UTY: variants seen among roughly 807,000 people sequenced by gnomAD.
The protein encoded by UTY is ubiquitously transcribed tetratricopeptide repeat containing, Y-linked, also known as histone demethylase UTY.
UTY carries 12 observed loss-of-function variants against 32.5 expected under a neutral mutation model. The observed-to-expected ratio is 0.37, with a 90% CI of 0.24 to 0.60. The LOEUF (loss-of-function observed/expected upper bound fraction) is 0.60. Ranked by LOEUF, UTY falls within the 20% of genes least tolerant of loss-of-function variation. UTY has a pLI of 0.69. For missense variants in UTY, 303 were observed against 299.2 expected, an observed-to-expected ratio of 1.01 and a Z score of -0.09; for synonymous variants, 131 against 103.4, an observed-to-expected ratio of 1.27 and a Z score of -1.62.
intron 21 of UTY, among the ~76,000 whole-genome samples, chrY:13,310,753 TA>T (rs2148826354): frequency 3.0e-5 from 1 of 33,571 alleles, no homozygotes; most frequent in Admixed American, 2.7e-4. Flanking sequence ...AGATTCAATG[TA>T]ACCTCTATCA....
intron 18 of UTY, among the ~76,000 whole-genome samples, chrY:13,329,248 A>G: frequency 8.9e-5 from 3 of 33,659 alleles, no homozygotes; most frequent in Admixed American, 5.4e-4. Flanking sequence ...AAGTTTAAAA[A>G]CTTTTTAATA....
intron 28 of UTY, among the ~76,000 whole-genome samples, chrY:13,241,524 GAA>G (rs2053901639): frequency 3.0e-5 from 1 of 32,913 alleles, no homozygotes; most frequent in African/African-American, 1.2e-4. Flanking sequence ...AAAACTAACA[GAA>G]AAAGAGACTA....
intron 4 of UTY, among the ~76,000 whole-genome samples, chrY:13,435,289 C>T: frequency 3.0e-5 from 1 of 33,056 alleles, no homozygotes; most frequent in South Asian, 6.9e-4. Flanking sequence ...ATTTAAGCAG[C>T]CCCTCCCAGC....
intron 21 of UTY, among the ~76,000 whole-genome samples, chrY:13,321,237 G>C (rs2059810072): frequency 3.0e-5 from 1 of 33,186 alleles, no homozygotes; most frequent in African/African-American, 1.2e-4. Flanking sequence ...TGGGAAATTG[G>C]AGAAAGAAAA....
At chrY:13,471,303 C>T in intron 2 of UTY, among the ~76,000 whole-genome samples, 1 of 33,579 alleles carries the variant, frequency 3.0e-5, no homozygotes, top group Non-Finnish European at 7.4e-5. Context: ...TTCACAATCC[C>T]ACTTACATAA....
chrY:13,399,725 A>C (rs2068709438), intron 6 of UTY, among the ~76,000 whole-genome samples: 1 of 33,360 alleles, frequency 3.0e-5, no homozygotes, highest in Non-Finnish European at 7.4e-5. Flanking sequence ...TAACGCATGA[A>C]GGGGTTTAGA....
At chrY:13,267,800 C>A in intron 27 of UTY, among the ~76,000 whole-genome samples, 1 of 33,128 alleles carries the variant, frequency 3.0e-5, no homozygotes, top group African/African-American at 1.2e-4. Context: ...ATATGAAATT[C>A]TGTGGATATG....
intron 3 of UTY, among the ~76,000 whole-genome samples, chrY:13,469,024 T>A (rs1055249606): frequency 3.0e-5 from 1 of 32,979 alleles, no homozygotes; most frequent in African/African-American, 1.2e-4. Flanking sequence ...GGAAAATATA[T>A]CTACCTACTC....
chrY:13,327,696 T>A, intron 18 of UTY, among the ~76,000 whole-genome samples: 1 of 33,645 alleles, frequency 3.0e-5, no homozygotes, highest in Admixed American at 2.7e-4. Flanking sequence ...ATAGGTTTAG[T>A]TATAAATGAT....
At position 13,323,716 on chromosome Y, in the gene UTY, C is replaced by T. The variant is rs777009375; in HGVS notation, c.3115G>A (p.Glu1039Lys). Residue 1039 changes from glutamate to lysine, a missense_variant, in exon 21 of 30, where the codon GAA (glutamate) becomes AAA (lysine). Coordinates refer to ENST00000545955, the MANE Select transcript of UTY (RefSeq NM_001258249.2). Reference sequence around the variant, plus strand: ...TGTGTCCTCACTTCTACCATATGTTCATTGTTAGCTTCTACCAAAGTTTTG... The same window carrying T: ...TGTGTCCTCACTTCTACCATATGTTTATTGTTAGCTTCTACCAAAGTTTTG... The part of the protein sequence containing the change: ...STKTLVEANN[E>K]HMVEVRTQLL... The T allele has an allele frequency of 2.5e-6, 1 of 398,331 alleles. No homozygotes were observed. The highest frequency in any genetic ancestry group is 7.4e-5 in the Admixed American group (1 of 13,488).
intron 4 of UTY, among the ~76,000 whole-genome samples, chrY:13,437,148 G>A (rs995576049): frequency 3.1e-4 from 10 of 32,689 alleles, no homozygotes; most frequent in Admixed American, 1.7e-3. Context: ...TCCACAGCAG[G>A]AAGAAGCTGC....
chrY:13,402,789 T>G, intron 6 of UTY, among the ~76,000 whole-genome samples: 1 of 33,752 alleles, frequency 3.0e-5, no homozygotes, highest in Non-Finnish European at 7.4e-5. Context: ...AAAATGTTTT[T>G]GTACTGGATA....
intron 27 of UTY, among the ~76,000 whole-genome samples, chrY:13,279,078 T>G (rs1002619712): frequency 8.9e-5 from 3 of 33,734 alleles, no homozygotes; most frequent in Admixed American, 2.7e-4. Flanking sequence ...AGTCTCTGCC[T>G]CCATTTGTTT....
intron 7 of UTY, chrY:13,396,662 A>G (rs2149533750): frequency 1.7e-5 from 1 of 57,489 alleles, no homozygotes; most frequent in East Asian, 3.2e-4. Flanking sequence ...AAAAACTACT[A>G]AAGTAGGTAA....
At chrY:13,446,208 C>G in intron 4 of UTY, among the ~76,000 whole-genome samples, 1 of 32,085 alleles carries the variant, frequency 3.1e-5, no homozygotes, top group Non-Finnish European at 7.6e-5. Flanking sequence ...AAAAAACTAC[C>G]TATCAGGTAC....
At chrY:13,420,709 C>T (rs760643561) in intron 4 of UTY, among the ~76,000 whole-genome samples, 33 of 32,466 alleles carry the variant, frequency 1.0e-3, no homozygotes, top group African/African-American at 3.6e-3. Flanking sequence ...AAAACTGAAC[C>T]CCTTCCAGCT....
At chrY:13,380,076 TATATATATATATATATATATATAC>T in intron 8 of UTY, among the ~76,000 whole-genome samples, 1 of 11,312 alleles carries the variant, frequency 8.8e-5, no homozygotes, top group East Asian at 2.9e-3. Flanking sequence ...TATATATATA[TATATATATATATATATATATATAC>T]ACACACATCT....
chrY:13,274,345 T>C (rs2056530703), intron 27 of UTY, among the ~76,000 whole-genome samples: 4 of 33,248 alleles, frequency 1.2e-4, no homozygotes, highest in Non-Finnish European at 7.4e-5. Flanking sequence ...AGTGAGAACA[T>C]GCAGTGTTTG....
At chrY:13,245,038 C>A, downstream of UTY, among the ~76,000 whole-genome samples, 1 of 33,509 alleles carries the variant, frequency 3.0e-5, no homozygotes, top group African/African-American at 1.2e-4. Flanking sequence ...CTACTGATAC[C>A]TTTGAGTTAG....
Sources: allele counts gnomAD v4.1 joint callset (sites outside exome capture counted in the v4.1 genomes callset), GRCh38; gene constraint gnomAD v4.1.1; transcripts MANE v1.5; gene names NCBI Gene and HGNC (gene_info 2026-07-23, HGNC 2026-07-21).